The following PCDH15 variants were observed in gnomAD, a reference collection of about 807,000 sequenced individuals.
PCDH15 encodes protocadherin-15.
Under a neutral mutation model 178.5 loss-of-function variants are expected in PCDH15, and 129 were observed. The ratio of observed to expected loss-of-function variants is 0.72; its 90% CI spans 0.63 to 0.84. The LOEUF is 0.84. Among genes scored for constraint, PCDH15 ranks in the 40% least tolerant of loss-of-function variants. PCDH15 has a pLI of 0.00. For synonymous variants in PCDH15, 800 were observed against 732.0 expected (o/e 1.09, Z -1.50); for missense variants, 2,230 against 2,099.9 (o/e 1.06, Z -1.21).
chr10:55,417,651 C>T (rs1048549355), intron 2 of PCDH15, among the ~76,000 whole-genome samples: 9 of 150,450 alleles, frequency 6.0e-5, no homozygotes, highest in Non-Finnish European at 1.2e-4. Flanking sequence ...AGAGAAATAT[C>T]AAAATATAGG....
At chr10:54,404,856 A>G (rs1182114461) in intron 3 of PCDH15, among the ~76,000 whole-genome samples, 3 of 152,136 alleles carry the variant, frequency 2.0e-5, no homozygotes, top group Admixed American at 1.3e-4. Context: ...CACTTTTCAA[A>G]ACAAAACATA....
intron 15 of PCDH15, among the ~76,000 whole-genome samples, chr10:54,091,558 C>T (rs2094600973): frequency 6.6e-6 from 1 of 152,158 alleles, no homozygotes; most frequent in Admixed American, 6.5e-5. Context: ...CCAGAAGCCT[C>T]TCTTGGACCA....
chr10:54,457,336 A>C (rs1023134544), intron 3 of PCDH15, among the ~76,000 whole-genome samples: 1 of 152,218 alleles, frequency 6.6e-6, no homozygotes, highest in Admixed American at 6.5e-5. Context: ...TAGGAAGATT[A>C]AAACCCATAA....
At chr10:55,585,357 TTC>T (rs1320674804) in intron 2 of PCDH15, among the ~76,000 whole-genome samples, 2 of 152,148 alleles carry the variant, frequency 1.3e-5, no homozygotes, top group Non-Finnish European at 2.9e-5. Flanking sequence ...GATGCCAAAC[TTC>T]TGTTACAACA....
chr10:54,612,633 TC>T (rs2134267940), intron 2 of PCDH15, among the ~76,000 whole-genome samples: 1 of 151,826 alleles, frequency 6.6e-6, no homozygotes, highest in South Asian at 2.1e-4. Flanking sequence ...CTTTTTATAT[TC>T]TAAACTATGT....
chr10:54,930,120 C>A (rs1837734433), intron 2 of PCDH15, among the ~76,000 whole-genome samples: 1 of 152,194 alleles, frequency 6.6e-6, no homozygotes, highest in Admixed American at 6.5e-5. Flanking sequence ...ATGACATCTC[C>A]ATCTTTCCTT....
At chr10:54,540,902 A>C (rs2085137166) in intron 2 of PCDH15, among the ~76,000 whole-genome samples, 1 of 152,212 alleles carries the variant, frequency 6.6e-6, no homozygotes, top group African/African-American at 2.4e-5. Flanking sequence ...AATTAAAACC[A>C]AAAACTATAC....
intron 2 of PCDH15, among the ~76,000 whole-genome samples, chr10:55,434,695 TC>T (rs1838996459): frequency 6.6e-6 from 1 of 151,820 alleles, no homozygotes; most frequent in South Asian, 2.1e-4. Flanking sequence ...AACCTCTGCC[TC>T]CCGAGTTCAA....
intron 2 of PCDH15, among the ~76,000 whole-genome samples, chr10:55,417,932 GA>G (rs1295398999): frequency 6.6e-6 from 1 of 150,832 alleles, no homozygotes; most frequent in Non-Finnish European, 1.5e-5. Flanking sequence ...AGTATCTCAA[GA>G]AAAAAAATAA....
chr10:54,163,880 A>C (rs1316257579), intron 13 of PCDH15, among the ~76,000 whole-genome samples: 1 of 152,168 alleles, frequency 6.6e-6, no homozygotes, highest in African/African-American at 2.4e-5. Context: ...TCAAGTCAGG[A>C]GGGACATATC....
chr10:54,133,196 A>G (rs2042594723), intron 14 of PCDH15, among the ~76,000 whole-genome samples, 189 bp from the exon 15 acceptor site: 1 of 152,266 alleles, frequency 6.6e-6, no homozygotes. Context: ...AAATTATCTT[A>G]GTAAAAGTAA....
chr10:55,050,084 T>G (rs1354598628), intron 2 of PCDH15, among the ~76,000 whole-genome samples: 2 of 152,038 alleles, frequency 1.3e-5, no homozygotes, highest in Non-Finnish European at 2.9e-5. Context: ...GTCTATTCAG[T>G]TTGGTACAAT....
At chr10:54,811,149 G>T (rs1458462025) in intron 3 of PCDH15, among the ~76,000 whole-genome samples, 1 of 150,028 alleles carries the variant, frequency 6.7e-6, no homozygotes, top group Non-Finnish European at 1.5e-5. Context: ...ATATATATAT[G>T]TAAATATATA....
intron 5 of PCDH15, among the ~76,000 whole-genome samples, chr10:54,358,009 T>C (rs76403265): frequency 6.6e-6 from 1 of 151,170 alleles, no homozygotes; most frequent in African/African-American, 2.5e-5. Flanking sequence ...ATACAAAAAT[T>C]AATTCAAGAT....
chr10:55,099,193 T>C (rs1357798596), intron 2 of PCDH15, among the ~76,000 whole-genome samples: 1 of 152,126 alleles, frequency 6.6e-6, no homozygotes, highest in African/African-American at 2.4e-5. Flanking sequence ...GTTTTCCCTA[T>C]GTAGAAAATG....
At chr10:54,547,342 TG>T (rs2085975481) in intron 2 of PCDH15, among the ~76,000 whole-genome samples, 1 of 152,156 alleles carries the variant, frequency 6.6e-6, no homozygotes. Context: ...TTTTCTAAAA[TG>T]TCAAATATAT....
At chr10:55,098,808 GTC>G (rs1172807950) in intron 2 of PCDH15, among the ~76,000 whole-genome samples, 2 of 151,506 alleles carry the variant, frequency 1.3e-5, no homozygotes, top group Non-Finnish European at 2.9e-5. Flanking sequence ...TTTCGGAAGC[GTC>G]TCTCTCTCTT....
chr10:54,783,902 T>G (rs1259563420), intron 1 of PCDH15, among the ~76,000 whole-genome samples: 1 of 152,100 alleles, frequency 6.6e-6, no homozygotes, highest in Non-Finnish European at 1.5e-5. Context: ...CTGGGCAATT[T>G]ACAAAGAAGA....
At chr10:54,515,687 G>T (rs2082141332) in intron 3 of PCDH15, among the ~76,000 whole-genome samples, 2 of 152,230 alleles carry the variant, frequency 1.3e-5, no homozygotes, top group Admixed American at 6.5e-5. Flanking sequence ...GCCTCCTTAA[G>T]TGGGTCCCTG....
Sources: gnomAD v4.1 joint callset for allele counts (sites outside exome capture counted in the v4.1 genomes callset) on GRCh38, gnomAD v4.1.1 for gene constraint, MANE v1.5 for transcripts, NCBI Gene and HGNC (gene_info 2026-07-23, HGNC 2026-07-21) for gene names.